TRDN: variants seen among roughly 807,000 people sequenced by gnomAD.
TRDN encodes the protein triadin in skeletal muscle.
Under a neutral mutation model 149.7 loss-of-function variants are expected in TRDN, and 161 were observed. That is an observed-to-expected ratio of 1.08 (90% CI 0.95 to 1.23). The LOEUF (loss-of-function observed/expected upper bound fraction) is 1.23, where lower values mean the gene tolerates loss of function less well. Ranked by LOEUF, TRDN falls within the 50% of genes most tolerant of loss-of-function variation. TRDN has a pLI of 0.00. For missense variants in TRDN, 896 were observed against 823.5 expected, an observed-to-expected ratio of 1.09 and a Z score of -1.08; for synonymous variants, 294 against 250.5, an observed-to-expected ratio of 1.17 and a Z score of -1.64.
chr6:123,254,782 T>C (rs1776496267), intron 37 of TRDN, among the ~76,000 whole-genome samples: 1 of 152,046 alleles, frequency 6.6e-6, no homozygotes, highest in Non-Finnish European at 1.5e-5. Context: ...ACTACCATAT[T>C]ACTTTTGACA....
chr6:123,614,921 G>A (rs1182252178), intron 1 of TRDN, among the ~76,000 whole-genome samples: 1 of 151,970 alleles, frequency 6.6e-6, no homozygotes, highest in Non-Finnish European at 1.5e-5. Flanking sequence ...TTAATGTCCA[G>A]AATATACAAG....
At chr6:123,238,670 A>T in intron 38 of TRDN, among the ~76,000 whole-genome samples, 1 of 152,178 alleles carries the variant, frequency 6.6e-6, no homozygotes, top group Non-Finnish European at 1.5e-5. Flanking sequence ...TATACAACGT[A>T]AAATAAAATT....
At chr6:123,260,541 A>T (rs1423241230) in intron 34 of TRDN, 71 bp downstream of exon 34, 1 of 1,419,254 alleles carries the variant, frequency 7.0e-7, no homozygotes, top group African/African-American at 1.5e-5. Context: ...AATGTTATAC[A>T]TCTAGAAACT....
chr6:123,608,466 A>G (rs1485909571), intron 1 of TRDN, among the ~76,000 whole-genome samples: 1 of 152,198 alleles, frequency 6.6e-6, no homozygotes, highest in African/African-American at 2.4e-5. Context: ...TAAATCAGTG[A>G]GAATTGAAAG....
At chr6:123,276,275 C>A (rs1777363930) in intron 26 of TRDN, among the ~76,000 whole-genome samples, 1 of 151,860 alleles carries the variant, frequency 6.6e-6, no homozygotes, top group Non-Finnish European at 1.5e-5. Flanking sequence ...AAGATGAGGT[C>A]TCAAGAAAAT....
chr6:123,584,094 G>A (rs1166644631), intron 1 of TRDN, among the ~76,000 whole-genome samples: 1 of 152,004 alleles, frequency 6.6e-6, no homozygotes, highest in African/African-American at 2.4e-5. Flanking sequence ...GGAAATATGG[G>A]GAAATGGGGT....
chr6:123,335,326 T>C (rs1779822373), intron 22 of TRDN, among the ~76,000 whole-genome samples: 1 of 151,850 alleles, frequency 6.6e-6, no homozygotes, highest in Non-Finnish European at 1.5e-5. Flanking sequence ...TTTCTAGTGA[T>C]TGAAATTCTA....
intron 5 of TRDN, among the ~76,000 whole-genome samples, chr6:123,521,691 C>T (rs4391277): frequency 0.84 from 128,431 of 152,004 alleles, 54,360 homozygotes; most frequent in East Asian, 0.89. Context: ...ACCTGGTTCC[C>T]TGAGGACTGA....
Position 123,216,689 on chromosome 6 carries a change from C to T in TRDN, c.*1912G>A, listed in dbSNP as rs1774981490. The T allele has an allele frequency of 6.6e-6, 1 of 151,292 alleles. No homozygotes were observed. The highest frequency in any genetic ancestry group is 1.5e-5 in the Non-Finnish European group (1 of 67,766). The allele number at this position is 151,292 out of a possible 1,614,324, so 9.4% of individuals were successfully genotyped here. ...TCTATGAGATATTAGACTGTTTGTC[C>T]CTATATCCCTATTTTACTCATGGAG... On this transcript the variant is annotated 3_prime_UTR_variant, in exon 41 of 41. Coordinates refer to ENST00000334268, the MANE Select transcript of TRDN (RefSeq NM_006073.4).
chr6:123,548,702 T>G (rs891111768), intron 2 of TRDN, 90 bp from the exon 3 acceptor site: 3 of 1,120,500 alleles, frequency 2.7e-6, no homozygotes, highest in Non-Finnish European at 1.1e-6. Context: ...TTTGTTGTTT[T>G]GACAAAAAGA....
intron 26 of TRDN, among the ~76,000 whole-genome samples, chr6:123,277,799 A>G (rs1300036756): frequency 6.6e-6 from 1 of 152,166 alleles, no homozygotes; most frequent in Non-Finnish European, 1.5e-5. Flanking sequence ...TAAGCCACCC[A>G]GTTTGTGGAA....
At position 123,271,198 on chromosome 6, in the gene TRDN, A is replaced by G. The variant is rs1777194328; in HGVS notation, c.1673-12T>C. On this transcript the variant is annotated splice_polypyrimidine_tract_variant and intron_variant, in intron 29 of 40. Transcript: ENST00000334268. ...GAGAACTTTTTCTTCTGTGATAGGA[A>G]AAAATGTTAACACAAGTAGGAAATT... 7 of 1,523,234 alleles carry G rather than the reference A, an allele frequency of 4.6e-6. No homozygotes were observed. Among genetic ancestry groups the G allele is most frequent in the Non-Finnish European group, 6.2e-6 (7 of 1,134,850 alleles). 94.4% of individuals were successfully genotyped at this position (1,523,234 alleles called of 1,614,324 possible).
chr6:123,328,082 T>C (rs1779527125), intron 23 of TRDN, among the ~76,000 whole-genome samples: 3 of 152,208 alleles, frequency 2.0e-5, no homozygotes, highest in Admixed American at 6.5e-5. Context: ...TTCTCCATAC[T>C]GTTATAATAA....
At chr6:123,551,851 T>C (rs1562382558) in intron 2 of TRDN, among the ~76,000 whole-genome samples, 1 of 152,068 alleles carries the variant, frequency 6.6e-6, no homozygotes, top group African/African-American at 2.4e-5. Flanking sequence ...AAATTCACAA[T>C]TGATTCTAAG....
At chr6:123,374,427 G>A (rs1263533931) in intron 19 of TRDN, among the ~76,000 whole-genome samples, 4 of 152,028 alleles carry the variant, frequency 2.6e-5, no homozygotes, top group Admixed American at 1.3e-4. Flanking sequence ...CTAAGTATCA[G>A]CATAGCAAAG....
rs961216563 is a variant in TRDN at position 123,564,894 on chromosome 6, C to T, written c.232+6029G>A. Among the ~76,000 whole-genome samples, 7 of 152,254 alleles carry T rather than the reference C, an allele frequency of 4.6e-5. No individual in the cohort carries two copies. In the East Asian group the frequency reaches 1.4e-3, roughly 29 times the overall value. On this transcript the variant is annotated intron_variant, in intron 2 of 40. Coordinates refer to ENST00000334268, the MANE Select transcript of TRDN (RefSeq NM_006073.4). Reference sequence around the variant, plus strand: ...GTGCTTTGAGACACGCTGGTACAACCATGTAATGATGTTTTCCTCTAATGG... The same window carrying T: ...GTGCTTTGAGACACGCTGGTACAACTATGTAATGATGTTTTCCTCTAATGG...
At chr6:123,584,761 T>C (rs928335334) in intron 1 of TRDN, among the ~76,000 whole-genome samples, 5 of 151,952 alleles carry the variant, frequency 3.3e-5, no homozygotes, top group African/African-American at 1.2e-4. Context: ...AAAGGAATAG[T>C]AAAGAAAGCA....
Position 123,634,052 on chromosome 6 carries a change from G to A in TRDN, c.22+2702C>T, listed in dbSNP as rs137989975. ...GCCACAAACTGTTTTGTGTGTGTGC[G>A]TGATAAATGGATGGAAAAGGTAATT... On this transcript the variant is annotated intron_variant, in intron 1 of 40. Coordinates refer to ENST00000334268, the MANE Select transcript of TRDN (RefSeq NM_006073.4). Among the ~76,000 whole-genome samples, 41 of 152,096 alleles carry A rather than the reference G, an allele frequency of 2.7e-4. No individual in the cohort carries two copies. The East Asian group carries it at 3.7e-3, about 14-fold the overall frequency.
intron 1 of TRDN, among the ~76,000 whole-genome samples, chr6:123,621,915 G>A (rs928559985): frequency 4.6e-5 from 7 of 152,140 alleles, no homozygotes; most frequent in Non-Finnish European, 8.8e-5. Context: ...CCTGATCTGG[G>A]TGTTGGTTAT....
Sources: gnomAD v4.1 joint callset for allele counts (sites outside exome capture counted in the v4.1 genomes callset) on GRCh38, gnomAD v4.1.1 for gene constraint, MANE v1.5 for transcripts, NCBI Gene and HGNC (gene_info 2026-07-23, HGNC 2026-07-21) for gene names.